NYAP2: variants seen among roughly 807,000 people sequenced by gnomAD.
NYAP2 encodes neuronal tyrosine-phosphorylated phosphoinositide-3-kinase adapter 2.
Under a neutral mutation model 50.4 loss-of-function variants are expected in NYAP2, and 23 were observed. The ratio of observed to expected loss-of-function variants is 0.46; its 90% CI spans 0.33 to 0.65. The LOEUF is 0.65. Ranked by LOEUF, NYAP2 falls within the 30% of genes least tolerant of loss-of-function variation. The pLI, the probability that NYAP2 is intolerant of heterozygous loss-of-function variation, is 0.02. For synonymous variants in NYAP2, 394 were observed against 365.2 expected (o/e 1.08, Z -0.90); for missense variants, 885 against 861.0 (o/e 1.03, Z -0.35).
chr2:225,557,129 C>G (rs1379396140), intron 4 of NYAP2, among the ~76,000 whole-genome samples: 1 of 152,194 alleles, frequency 6.6e-6, no homozygotes, highest in Non-Finnish European at 1.5e-5. Context: ...GTATTATTAT[C>G]TACATGGGAA....
intron 3 of NYAP2, among the ~76,000 whole-genome samples, chr2:225,459,836 C>T (rs1047185670): frequency 1.3e-5 from 2 of 151,936 alleles, no homozygotes; most frequent in Non-Finnish European, 2.9e-5. Context: ...CCACGCCTGG[C>T]TAATTTTTTT....
At chr2:225,550,246 C>T (rs1261725031) in intron 4 of NYAP2, among the ~76,000 whole-genome samples, 1 of 151,796 alleles carries the variant, frequency 6.6e-6, no homozygotes, top group Non-Finnish European at 1.5e-5. Context: ...TTAGGATGTG[C>T]AAAAGCAATA....
At chr2:225,544,220 TG>T (rs1286351098) in intron 4 of NYAP2, among the ~76,000 whole-genome samples, 15 of 148,064 alleles carry the variant, frequency 1.0e-4, no homozygotes, top group African/African-American at 3.9e-4. Context: ...GATGATTGGG[TG>T]TTTTTTTTTT....
chr2:225,559,259 G>A (rs1691828385), intron 4 of NYAP2, among the ~76,000 whole-genome samples: 1 of 151,736 alleles, frequency 6.6e-6, no homozygotes, highest in South Asian at 2.1e-4. Context: ...ATGAGTGTCA[G>A]TAGAGAAAAA....
intron 3 of NYAP2, among the ~76,000 whole-genome samples, chr2:225,484,369 C>T (rs1280915918): frequency 1.3e-5 from 2 of 152,226 alleles, no homozygotes; most frequent in Admixed American, 6.5e-5. Context: ...CTTATATCTG[C>T]AGCTTCAGGC....
intron 3 of NYAP2, among the ~76,000 whole-genome samples, chr2:225,423,136 G>C (rs866357869): frequency 1.3e-5 from 2 of 152,026 alleles, no homozygotes; most frequent in Non-Finnish European, 2.9e-5. Context: ...GCATATAAGA[G>C]AGCATTTTGG....
At chr2:225,658,479 A>G (rs1693862225), downstream of NYAP2, among the ~76,000 whole-genome samples, 1 of 152,232 alleles carries the variant, frequency 6.6e-6, no homozygotes, top group African/African-American at 2.4e-5. Context: ...GATATTTACC[A>G]AAGAATTTGG....
intron 3 of NYAP2, among the ~76,000 whole-genome samples, chr2:225,486,732 T>A (rs1359102615): frequency 6.6e-6 from 1 of 152,188 alleles, no homozygotes; most frequent in East Asian, 1.9e-4. Context: ...GTGAGTTGGC[T>A]GGAGACCATG....
chr2:225,674,049 C>T, the NYAP2 span, among the ~76,000 whole-genome samples: 1 of 152,112 alleles, frequency 6.6e-6, no homozygotes, highest in Non-Finnish European at 1.5e-5. Context: ...AGCCACAAAG[C>T]TTGGAGTCTG....
In NYAP2 at chr2:225,534,197, G is replaced by A. The variant is rs1252814635; in HGVS notation, c.523+20525G>A. Reference sequence around the variant, plus strand: ...GCGTCTGAAGGCCTGTGCATACAACGATAAGCAGCTTCTATAATTTATAAC... The same window carrying A: ...GCGTCTGAAGGCCTGTGCATACAACAATAAGCAGCTTCTATAATTTATAAC... On this transcript the variant is annotated intron_variant, in intron 4 of 6. Coordinates refer to ENST00000636099, the Ensembl canonical transcript of NYAP2. Among the ~76,000 whole-genome samples, 3 of 152,308 alleles carry A rather than the reference G, an allele frequency of 2.0e-5. 1 individual carries two copies. Among genetic ancestry groups the A allele is most frequent in the South Asian group, 4.1e-4 (2 of 4,824 alleles).
intron 5 of NYAP2, among the ~76,000 whole-genome samples, chr2:225,601,741 C>A (rs1692694558): frequency 1.3e-5 from 2 of 151,990 alleles, no homozygotes; most frequent in Non-Finnish European, 2.9e-5. Flanking sequence ...TACTTGATTT[C>A]TTTTTGTTGT....
At chr2:225,512,985 A>G (rs978532752) in intron 3 of NYAP2, among the ~76,000 whole-genome samples, 2 of 151,804 alleles carry the variant, frequency 1.3e-5, no homozygotes, top group African/African-American at 4.8e-5. Context: ...TATTAAGCAG[A>G]TAAAAGCAGG....
At chr2:225,534,519 A>G (rs536431490) in intron 4 of NYAP2, among the ~76,000 whole-genome samples, 96 of 152,400 alleles carry the variant, frequency 6.3e-4, no homozygotes, top group South Asian at 1.9e-3. Context: ...AATCATAAAC[A>G]TAATCCATAA....
At chr2:225,596,939 A>T (rs1395076391) in intron 5 of NYAP2, among the ~76,000 whole-genome samples, 1 of 152,188 alleles carries the variant, frequency 6.6e-6, no homozygotes, top group Non-Finnish European at 1.5e-5. Flanking sequence ...AAGATGAAAA[A>T]TAAAGTAAGA....
chr2:225,684,761 G>A, the NYAP2 span, among the ~76,000 whole-genome samples: 5 of 152,076 alleles, frequency 3.3e-5, no homozygotes, highest in African/African-American at 9.7e-5. Flanking sequence ...ATGTTGGTGA[G>A]GCTGGTCTCG....
At chr2:225,536,449 T>A (rs1033973862) in intron 4 of NYAP2, among the ~76,000 whole-genome samples, 1 of 152,226 alleles carries the variant, frequency 6.6e-6, no homozygotes, top group Non-Finnish European at 1.5e-5. Context: ...CCACACATTA[T>A]GGAAGGGAGC....
Position 225,469,687 on chromosome 2 carries a change from C to T in NYAP2, c.222-43684C>T, listed in dbSNP as rs552201440. Among the ~76,000 whole-genome samples the T allele has an allele frequency of 4.3e-4, 65 of 152,184 alleles. 1 individual carries two copies. The highest frequency in any genetic ancestry group is 7.9e-4 in the Non-Finnish European group (54 of 68,036). ...ATGCAACCATAAAGAAGGATGAGTT[C>T]GTGTCCTTTGCAGGGACATGGATGA... is the stretch of plus-strand genomic sequence containing the variant. On this transcript the variant is annotated intron_variant, in intron 3 of 6. Transcript: ENST00000636099.
At chr2:225,558,277 T>C (rs1691811767) in intron 4 of NYAP2, among the ~76,000 whole-genome samples, 2 of 152,190 alleles carry the variant, frequency 1.3e-5, no homozygotes, top group African/African-American at 4.8e-5. Flanking sequence ...AATACTTGTA[T>C]TATCTAATAA....
At position 225,567,287 on chromosome 2, in the gene NYAP2, G is replaced by A. The variant is rs2106219501; in HGVS notation, c.524-14654G>A. On this transcript the variant is annotated intron_variant, in intron 4 of 6. Transcript: ENST00000636099. ...CCATAGCTGACTGCACCCTTATTAT[G>A]TGGCACATAAACTTTCATTAAAGAA... Among the ~76,000 whole-genome samples the A allele has an allele frequency of 1.3e-5, 2 of 152,110 alleles. 1 individual carries two copies. Among genetic ancestry groups the A allele is most frequent in the South Asian group, 4.1e-4 (2 of 4,824 alleles).
Sources: allele counts gnomAD v4.1 joint callset (sites outside exome capture counted in the v4.1 genomes callset), GRCh38; gene constraint gnomAD v4.1.1; transcripts MANE v1.5; gene names NCBI Gene and HGNC (gene_info 2026-07-23, HGNC 2026-07-21).